The following RBFOX1 variants were observed in gnomAD, a reference collection of about 807,000 sequenced individuals.
The protein encoded by RBFOX1 is RNA binding fox-1 homolog 1.
A neutral mutation model predicts 57.7 loss-of-function variants in RBFOX1; 8 were observed. That is an observed-to-expected ratio of 0.14 (90% confidence interval 0.08 to 0.25). The LOEUF is 0.25. RBFOX1 is among the 10% of genes least tolerant of loss of function. RBFOX1 has a pLI of 1.00. For synonymous variants in RBFOX1, 326 were observed against 222.4 expected (o/e 1.47, Z -4.15); for missense variants, 611 against 548.5 (o/e 1.11, Z -1.14).
chr16:7,443,888 C>A (rs1226427024), intron 4 of RBFOX1, among the ~76,000 whole-genome samples: 3 of 152,158 alleles, frequency 2.0e-5, no homozygotes, highest in African/African-American at 7.2e-5. Flanking sequence ...GTCTGAACTT[C>A]CTACAATAGG....
In RBFOX1 at chr16:7,139,168, A is replaced by G. The variant is rs534178291; in HGVS notation, c.27+87070A>G. On this transcript the variant is annotated intron_variant, in intron 4 of 15. Coordinates refer to ENST00000550418, the MANE Select transcript of RBFOX1 (RefSeq NM_018723.4). ...CTCTTTTATAATGCAGATGAAATCA[A>G]TCTCTCTCTGTGTGTGTGTGTGTGT... Among the ~76,000 whole-genome samples the G allele has an allele frequency of 3.2e-3, 451 of 139,500 alleles. 2 individuals are homozygous for G. The highest frequency in any genetic ancestry group is 0.011 in the African/African-American group (422 of 36,754). The allele number at this position is 139,500 out of a possible 152,430, so 91.5% of individuals were successfully genotyped here. A position where few individuals can be genotyped will look rare whatever the true frequency, so the allele number is the denominator to read the frequency against.
At chr16:6,253,342 C>T (rs1324105488) in intron 1 of RBFOX1, among the ~76,000 whole-genome samples, 1 of 152,170 alleles carries the variant, frequency 6.6e-6, no homozygotes, top group Non-Finnish European at 1.5e-5. Flanking sequence ...GTTGCACCTA[C>T]TTTGACACAA....
At chr16:6,434,426 C>G (rs931549797) in intron 2 of RBFOX1, among the ~76,000 whole-genome samples, 4 of 152,104 alleles carry the variant, frequency 2.6e-5, no homozygotes, top group Non-Finnish European at 4.4e-5. Flanking sequence ...GCAAATAGGC[C>G]CATCCCACAG....
intron 4 of RBFOX1, among the ~76,000 whole-genome samples, chr16:7,324,165 G>C (rs995504334): frequency 5.3e-5 from 8 of 152,168 alleles, no homozygotes; most frequent in African/African-American, 1.7e-4. Flanking sequence ...TTTACAATGA[G>C]CCATCTGATG....
chr16:5,407,319 A>T (rs562869413), intron 1 of RBFOX1, among the ~76,000 whole-genome samples: 1 of 152,152 alleles, frequency 6.6e-6, no homozygotes, highest in African/African-American at 2.4e-5. Flanking sequence ...GGGTGGGGAC[A>T]CAATGCCTAA....
chr16:6,924,008 A>G (rs1432607895), intron 3 of RBFOX1, among the ~76,000 whole-genome samples: 1 of 151,948 alleles, frequency 6.6e-6, no homozygotes, highest in Non-Finnish European at 1.5e-5. Flanking sequence ...TGTCTCTACT[A>G]AAAATACAAA....
chr16:6,905,426 T>C (rs1021389570), intron 3 of RBFOX1, among the ~76,000 whole-genome samples: 2 of 151,560 alleles, frequency 1.3e-5, no homozygotes, highest in Non-Finnish European at 2.9e-5. Flanking sequence ...GGTGGCACAC[T>C]CCTATAATCC....
intron 5 of RBFOX1, among the ~76,000 whole-genome samples, chr16:7,564,615 T>C (rs1479095263): frequency 1.3e-5 from 2 of 149,212 alleles, no homozygotes; most frequent in Admixed American, 1.3e-4. Flanking sequence ...AGGAGCTGAG[T>C]TGGCTGGCAC....
intron 3 of RBFOX1, among the ~76,000 whole-genome samples, chr16:6,858,278 G>C (rs1414520809): frequency 1.3e-5 from 2 of 152,194 alleles, no homozygotes; most frequent in Admixed American, 6.5e-5. Flanking sequence ...GAATGTTTCA[G>C]AGGTCTTCCC....
intron 4 of RBFOX1, among the ~76,000 whole-genome samples, chr16:7,312,094 G>C (rs1321097436): frequency 6.6e-6 from 1 of 152,194 alleles, no homozygotes; most frequent in Non-Finnish European, 1.5e-5. Flanking sequence ...AGAAATGAAG[G>C]AAGGGCCGGG....
At chr16:6,072,306 G>A (rs535376226) in intron 1 of RBFOX1, among the ~76,000 whole-genome samples, 23 of 152,278 alleles carry the variant, frequency 1.5e-4, no homozygotes, top group African/African-American at 5.5e-4. Flanking sequence ...AATTTAAGGT[G>A]AAATTTAGGT....
chr16:5,302,542 C>G (rs1190512007), intron 1 of RBFOX1, among the ~76,000 whole-genome samples: 1 of 152,170 alleles, frequency 6.6e-6, no homozygotes, highest in Admixed American at 6.5e-5. Context: ...TGTTAAAAAT[C>G]TTAAAGTACG....
At chr16:6,349,051 A>G (rs1355645069) in intron 2 of RBFOX1, among the ~76,000 whole-genome samples, 1 of 152,186 alleles carries the variant, frequency 6.6e-6, no homozygotes, top group Non-Finnish European at 1.5e-5. Context: ...TTCATGGAAA[A>G]GAATAACTGT....
At position 7,292,305 on chromosome 16, in the gene RBFOX1, A is replaced by G. The variant is rs543573131; in HGVS notation, c.28-225842A>G. ...TCATATATCATATATGATATATGAT[A>G]TATGACGTATTATATATCATATATC... On this transcript the variant is annotated intron_variant, in intron 4 of 15. Coordinates refer to ENST00000550418, the MANE Select transcript of RBFOX1 (RefSeq NM_018723.4). Among the ~76,000 whole-genome samples the G allele has an allele frequency of 9.4e-3, 1,203 of 128,326 alleles. 36 individuals are homozygous for G. The highest frequency in any genetic ancestry group is 0.014 in the Non-Finnish European group (862 of 63,550). The allele number at this position is 128,326 out of a possible 152,430, so 84.2% of individuals were successfully genotyped here.
chr16:6,558,540 T>C (rs1001305300), intron 2 of RBFOX1, among the ~76,000 whole-genome samples: 2 of 152,136 alleles, frequency 1.3e-5, no homozygotes, highest in African/African-American at 4.8e-5. Flanking sequence ...TGTAGAACTT[T>C]GTCATGACTT....
At chr16:5,608,842 G>C (rs1177573457) in intron 3 of RBFOX1, among the ~76,000 whole-genome samples, 1 of 152,124 alleles carries the variant, frequency 6.6e-6, no homozygotes, top group Non-Finnish European at 1.5e-5. Context: ...AGCCTGTTGG[G>C]GTGCAGTCCG....
chr16:6,866,257 T>G (rs909735490), intron 3 of RBFOX1, among the ~76,000 whole-genome samples: 2 of 152,148 alleles, frequency 1.3e-5, no homozygotes, highest in East Asian at 1.9e-4. Flanking sequence ...TAAACTACTT[T>G]CCTACCACTT....
At chr16:6,219,177 A>G (rs571163909) in intron 1 of RBFOX1, among the ~76,000 whole-genome samples, 1 of 152,308 alleles carries the variant, frequency 6.6e-6, no homozygotes, top group East Asian at 1.9e-4. Context: ...CTTTTTCTTT[A>G]GAAAATGAGG....
At chr16:6,261,333 C>G (rs1027501928) in intron 1 of RBFOX1, among the ~76,000 whole-genome samples, 1 of 152,192 alleles carries the variant, frequency 6.6e-6, no homozygotes, top group Non-Finnish European at 1.5e-5. Context: ...TTCAGTTTTT[C>G]CATCTTGAGG....
Sources: gnomAD v4.1 joint callset for allele counts (sites outside exome capture counted in the v4.1 genomes callset) on GRCh38, gnomAD v4.1.1 for gene constraint, MANE v1.5 for transcripts, NCBI Gene and HGNC (gene_info 2026-07-23, HGNC 2026-07-21) for gene names.